The following PDE8B variants were observed in gnomAD, a reference collection of about 807,000 sequenced individuals.
PDE8B encodes high affinity cAMP-specific and IBMX-insensitive 3',5'-cyclic phosphodiesterase 8B.
In PDE8B, 26 loss-of-function variants were observed where a neutral mutation model predicts 101.3. That is an observed-to-expected ratio of 0.26 (90% confidence interval 0.19 to 0.36). PDE8B has a LOEUF of 0.36. Ranked by LOEUF, PDE8B falls within the 10% of genes least tolerant of loss-of-function variation. The pLI is 1.00. For missense variants in PDE8B, 810 were observed against 1,163.1 expected (o/e 0.70, Z 4.42); for synonymous variants, 424 against 429.3 (o/e 0.99, Z 0.15).
At chr5:77,195,697 G>T in the PDE8B span, among the ~76,000 whole-genome samples, 1 of 151,938 alleles carries the variant, frequency 6.6e-6, no homozygotes, top group Non-Finnish European at 1.5e-5. Flanking sequence ...CACATATTTT[G>T]CATGTTATAT....
At chr5:77,132,615 A>G in the PDE8B span, among the ~76,000 whole-genome samples, 1 of 152,148 alleles carries the variant, frequency 6.6e-6, no homozygotes, top group East Asian at 1.9e-4. Context: ...CGCTGCAGAG[A>G]GCCATGGAGC....
At chr5:77,162,719 A>G in the PDE8B span, among the ~76,000 whole-genome samples, 260 of 152,358 alleles carry the variant, frequency 1.7e-3, no homozygotes, top group African/African-American at 6.1e-3. Context: ...ATGCAGAAAT[A>G]GTGGTATTAA....
At chr5:77,279,668 C>T (rs1226588709) in intron 1 of PDE8B, among the ~76,000 whole-genome samples, 1 of 152,182 alleles carries the variant, frequency 6.6e-6, no homozygotes, top group Admixed American at 6.5e-5. Context: ...CAGACTCAGG[C>T]CCAGAGAGGT....
chr5:77,378,450 T>C (rs1581352090), intron 10 of PDE8B, among the ~76,000 whole-genome samples: 1 of 69,804 alleles, frequency 1.4e-5, no homozygotes, highest in Non-Finnish European at 2.4e-5. Context: ...AGAGCAAGAC[T>C]CCATCTAAAA....
chr5:77,325,688 T>C lies in PDE8B; in HGVS notation c.549T>C (p.Asp183=). 1.2e-6 allele frequency: 2 copies of C among 1,613,944 alleles called. No individual in the cohort carries two copies. Among genetic ancestry groups the C allele is most frequent in the Non-Finnish European group, 1.7e-6 (2 of 1,179,792 alleles). ...AGCATCATGAAATTATTGTAATTGA[T>C]CATAGACAAACTCAGAACTTCGATG... ...LDKHHEIIVI[D]HRQTQNFDAE... Residue 183 remains aspartate (D), a synonymous_variant, in exon 3 of 22, where the codon GAT becomes GAC. Transcript: ENST00000264917.
the PDE8B span, among the ~76,000 whole-genome samples, chr5:77,124,134 A>G: frequency 6.6e-6 from 1 of 152,250 alleles, no homozygotes; most frequent in Non-Finnish European, 1.5e-5. Flanking sequence ...TCAGCACCCA[A>G]CAATGTAAAC....
intron 10 of PDE8B, among the ~76,000 whole-genome samples, chr5:77,363,366 G>A (rs1783490103): frequency 6.6e-6 from 1 of 152,150 alleles, no homozygotes; most frequent in Non-Finnish European, 1.5e-5. Flanking sequence ...GGAAGTGAGG[G>A]GATGACTTCA....
At chr5:77,124,249 A>G in the PDE8B span, among the ~76,000 whole-genome samples, 1 of 152,184 alleles carries the variant, frequency 6.6e-6, no homozygotes, top group African/African-American at 2.4e-5. Context: ...AGACCCAGAA[A>G]CAACAGAGAC....
chr5:77,316,527 C>T (rs540832766), intron 2 of PDE8B, among the ~76,000 whole-genome samples: 15 of 152,170 alleles, frequency 9.9e-5, no homozygotes, highest in Non-Finnish European at 1.5e-4. Context: ...CCACCGTGCC[C>T]GGCCTGAAAT....
chr5:77,258,473 G>A (rs1353581820), intron 1 of PDE8B, among the ~76,000 whole-genome samples: 5 of 151,862 alleles, frequency 3.3e-5, no homozygotes, highest in Non-Finnish European at 7.4e-5. Flanking sequence ...TTCATACTGT[G>A]GCTTTGATTT....
intron 10 of PDE8B, among the ~76,000 whole-genome samples, chr5:77,391,878 TC>T (rs1790017966): frequency 6.6e-6 from 1 of 152,328 alleles, no homozygotes; most frequent in African/African-American, 2.4e-5. Flanking sequence ...CACTTAAAAA[TC>T]ACTTGTTTTT....
the PDE8B span, among the ~76,000 whole-genome samples, chr5:77,122,464 G>A: frequency 0.17 from 25,637 of 152,118 alleles, 2,910 homozygotes; most frequent in East Asian, 0.4. Flanking sequence ...CTGCTAGTGC[G>A]TACATTCACC....
the PDE8B span, chr5:77,118,697 C>T: frequency 6.8e-5 from 17 of 250,584 alleles, no homozygotes; most frequent in African/African-American, 3.3e-4. Flanking sequence ...AATGTATCTG[C>T]ATGTGGTCAG....
At chr5:77,193,421 T>C in the PDE8B span, among the ~76,000 whole-genome samples, 3 of 152,214 alleles carry the variant, frequency 2.0e-5, no homozygotes, top group African/African-American at 7.2e-5. Flanking sequence ...CCACCATTTG[T>C]TGAAAAGACT....
chr5:77,226,742 A>G (rs996945668), intron 1 of PDE8B, among the ~76,000 whole-genome samples: 5 of 152,256 alleles, frequency 3.3e-5, no homozygotes, highest in Admixed American at 2.0e-4. Flanking sequence ...GCTCAAGCTT[A>G]AGATCTCTAG....
intron 10 of PDE8B, among the ~76,000 whole-genome samples, chr5:77,366,908 A>T (rs1418146614): frequency 6.6e-6 from 1 of 152,060 alleles, no homozygotes; most frequent in Non-Finnish European, 1.5e-5. Flanking sequence ...TTTGGTCCAG[A>T]TGTCCCCTGG....
the PDE8B span, among the ~76,000 whole-genome samples, chr5:77,135,763 C>A: frequency 1.3e-5 from 2 of 151,910 alleles, no homozygotes; most frequent in Non-Finnish European, 2.9e-5. Context: ...GCATGAGCCA[C>A]CGTGCCTGGC....
rs1482431721 is a variant in PDE8B, at chr5:77,426,821, G to A, written c.*267G>A. The A allele has an allele frequency of 2.4e-6, 1 of 413,510 alleles. No homozygotes were observed. Among genetic ancestry groups the A allele is most frequent in the Non-Finnish European group, 4.5e-6 (1 of 220,158 alleles). The allele number at this position is 413,510 out of a possible 1,614,324, so 25.6% of individuals were successfully genotyped here. On this transcript the variant is annotated 3_prime_UTR_variant, in exon 22 of 22. Transcript: ENST00000264917. ...CTCTGCTGTCATCCTGTGTACCCTT[G>A]TCAATCCATGGAGCTGGTTCACTGT...
At chr5:77,423,148 A>G (rs529858711) in intron 20 of PDE8B, among the ~76,000 whole-genome samples, 2 of 152,328 alleles carry the variant, frequency 1.3e-5, no homozygotes, top group Non-Finnish European at 2.9e-5. Context: ...ACTTTAGGAT[A>G]ATGGCCTCCA....
Sources: gnomAD v4.1 joint callset for allele counts (sites outside exome capture counted in the v4.1 genomes callset) on GRCh38, gnomAD v4.1.1 for gene constraint, MANE v1.5 for transcripts, NCBI Gene and HGNC (gene_info 2026-07-23, HGNC 2026-07-21) for gene names.